Variants in MAP3K15 observed in about 807,000 individuals in gnomAD.
MAP3K15 encodes the protein MAPK/ERK kinase kinase 15.
MAP3K15 carries 124 observed loss-of-function variants against 99.5 expected under a neutral mutation model. That is an observed-to-expected ratio of 1.25 (90% CI 1.08 to 1.45). The LOEUF (loss-of-function observed/expected upper bound fraction) is 1.45, where lower values mean the gene tolerates loss of function less well. Ranked by LOEUF, MAP3K15 falls within the 40% of genes most tolerant of loss-of-function variation. The probability of loss-of-function intolerance (pLI) is 0.00; values close to 1 mark genes in which losing one functional copy is unlikely to be tolerated. For missense variants in MAP3K15, 1,242 were observed against 1,079.7 expected, an observed-to-expected ratio of 1.15 and a Z score of -2.11; for synonymous variants, 494 against 439.6, an observed-to-expected ratio of 1.12 and a Z score of -1.55.
rs887371071 is a variant in MAP3K15 at position 19,395,206 on chromosome X, T to A, written c.2069A>T (p.Tyr690Phe). The A allele has an allele frequency of 1.1e-5, 13 of 1,205,382 alleles. No individual in the cohort carries two copies. The highest frequency in any genetic ancestry group is 1.3e-5 in the Non-Finnish European group (12 of 891,599). Residue 690 changes from tyrosine (Y) to phenylalanine (F), a missense_variant and splice_region_variant, in exon 16 of 29, where the codon TAT (tyrosine) becomes TTT (phenylalanine). Physicochemically the swap from Tyr to Phe is conservative, Grantham distance 22. Transcript: ENST00000338883. ...TATCTCCTCGTGCAGAGGCTGAGAA[T>A]ACCTATTGGGAAAAACAGAGCCAGG... is the stretch of plus-strand genomic sequence containing the variant. The part of the protein sequence containing the change: ...IKEIPERDSR[Y>F]SQPLHEEIAL...
chrX:19,484,234 G>C lies in MAP3K15; in HGVS notation c.525+2248C>G, dbSNP rs1017458398. 4.5e-5 allele frequency among the ~76,000 whole-genome samples: 5 copies of C among 111,490 alleles called. No individual in the cohort carries two copies. The South Asian group carries it at 1.9e-3, about 42-fold the overall frequency. ...ATTGTCTGAACTCCACCTCCTGTCA[G>C]ATCATTGGTGACATTAGATTCTTAC... On this transcript the variant is annotated intron_variant, in intron 3 of 28. Transcript: ENST00000338883.
intron 1 of MAP3K15, among the ~76,000 whole-genome samples, chrX:19,489,479 A>G (rs769067563): frequency 1.2e-3 from 133 of 110,730 alleles, no homozygotes; most frequent in African/African-American, 4.3e-3. Context: ...GTGTCCCCTC[A>G]AGGTTCATGT....
chrX:19,387,584 A>G, intron 18 of MAP3K15, among the ~76,000 whole-genome samples: 1 of 109,383 alleles, frequency 9.1e-6, no homozygotes, highest in Non-Finnish European at 1.9e-5. Flanking sequence ...ACGGGGCCTC[A>G]CTATGTTGGC....
intron 1 of MAP3K15, among the ~76,000 whole-genome samples, chrX:19,493,319 A>T (rs1293614046): frequency 6.7e-5 from 7 of 104,588 alleles, no homozygotes; most frequent in African/African-American, 2.5e-4. Context: ...ACTGTCAATG[A>T]AAACAGGACA....
chrX:19,437,052 A>G (rs185126818), intron 6 of MAP3K15, among the ~76,000 whole-genome samples: 80 of 111,691 alleles, frequency 7.2e-4, no homozygotes, highest in African/African-American at 2.5e-3. Context: ...TGGCCAATCC[A>G]TTCTTCCTCT....
At chrX:19,361,653 C>A in intron 26 of MAP3K15, 60 bp from the exon 27 acceptor site, 1 of 793,519 alleles carries the variant, frequency 1.3e-6, no homozygotes, top group South Asian at 2.3e-5. Flanking sequence ...CAAAAGTAAC[C>A]AGTTGGATTA....
chrX:19,392,315 A>C, intron 17 of MAP3K15, 28 bp downstream of exon 17: 5 of 1,196,921 alleles, frequency 4.2e-6, no homozygotes, highest in Non-Finnish European at 5.6e-6. Context: ...GAGCAAAGGC[A>C]ACCTCGTCAG....
rs1409921296 is a variant in MAP3K15, at chrX:19,486,359, AAC to A, written c.525+121_525+122del. The A allele has an allele frequency of 2.1e-5, 6 of 288,051 alleles. No individual in the cohort carries two copies. The East Asian group carries it at 3.4e-4, about 16-fold the overall frequency. The allele number at this position is 288,051 out of a possible 1,213,427, so 23.7% of individuals were successfully genotyped here. A position where few individuals can be genotyped will look rare whatever the true frequency, so the allele number is the denominator to read the frequency against. On this transcript the variant is annotated intron_variant, in intron 3 of 28. Coordinates refer to ENST00000338883, the MANE Select transcript of MAP3K15 (RefSeq NM_001001671.4). Reference sequence around the variant, plus strand: ...GAGATTTCTAGCTGTCCTCCTTAGAAACACAACCCACAGGCGTGATTAGAAGT... The same window carrying A: ...GAGATTTCTAGCTGTCCTCCTTAGAAACAACCCACAGGCGTGATTAGAAGT...
intron 1 of MAP3K15, among the ~76,000 whole-genome samples, chrX:19,508,410 G>A (rs1460209923): frequency 8.9e-6 from 1 of 112,126 alleles, no homozygotes; most frequent in Non-Finnish European, 1.9e-5. Flanking sequence ...GAGCTCAGGT[G>A]ATCCACCTAC....
rs1296246558 is a variant in MAP3K15 at position 19,479,979 on chromosome X, T to TG, written c.525+6502dup. Among the ~76,000 whole-genome samples, 165 of 112,414 alleles carry TG rather than the reference T, an allele frequency of 1.5e-3. 1 individual carries two copies. Among genetic ancestry groups the TG allele is most frequent in the African/African-American group, 5.2e-3 (162 of 30,991 alleles). On this transcript the variant is annotated intron_variant, in intron 3 of 28. Transcript: ENST00000338883. ...TAGTGTTGAAGATTTTTGTGACAGG[T>TG]GTTTTTTTAAAGTCAACCTTGAAAA...
chrX:19,391,969 T>C (rs2063531107), intron 18 of MAP3K15, 33 bp downstream of exon 18: 5 of 1,059,282 alleles, frequency 4.7e-6, no homozygotes, highest in Non-Finnish European at 6.6e-6. Flanking sequence ...AACTCTGGGA[T>C]GGGCACCCTG....
chrX:19,414,670 G>A (rs184213854), intron 10 of MAP3K15, among the ~76,000 whole-genome samples: 166 of 112,466 alleles, frequency 1.5e-3, no homozygotes, highest in African/African-American at 4.9e-3. Flanking sequence ...GTTTCCACTC[G>A]TGGTGCTACA....
chrX:19,482,634 C>T (rs972419318), intron 3 of MAP3K15, among the ~76,000 whole-genome samples: 1 of 111,684 alleles, frequency 9.0e-6, no homozygotes, highest in Non-Finnish European at 1.9e-5. Flanking sequence ...ATTTTGGGGT[C>T]AGGGAAATGC....
chrX:19,403,190 T>C (rs1356761286), intron 13 of MAP3K15, among the ~76,000 whole-genome samples: 1 of 111,009 alleles, frequency 9.0e-6, no homozygotes, highest in Non-Finnish European at 1.9e-5. Flanking sequence ...TTTATCAAGC[T>C]GTACACTTAA....
intron 4 of MAP3K15, among the ~76,000 whole-genome samples, chrX:19,463,790 G>A: frequency 9.0e-6 from 1 of 111,226 alleles, no homozygotes; most frequent in Non-Finnish European, 1.9e-5. Context: ...GAGAGCGTAA[G>A]GTCAGAATGA....
At chrX:19,465,472 G>A (rs920635434) in intron 3 of MAP3K15, among the ~76,000 whole-genome samples, 4 of 109,829 alleles carry the variant, frequency 3.6e-5, no homozygotes, top group African/African-American at 1.3e-4. Flanking sequence ...CTGGCCAGGC[G>A]CGGTGGCTCA....
chrX:19,456,780 C>T (rs2064096273), intron 6 of MAP3K15, 133 bp downstream of exon 6: 1 of 448,920 alleles, frequency 2.2e-6, no homozygotes, highest in Admixed American at 3.1e-5. Context: ...AGGACAAAGA[C>T]TGGACCTTGT....
chrX:19,400,582 G>A lies in MAP3K15; in HGVS notation c.1926C>T (p.Thr642=), dbSNP rs56177884. The A allele has an allele frequency of 2.6e-3, 3,143 of 1,193,405 alleles. 5 individuals carry two copies. Among genetic ancestry groups the A allele is most frequent in the Non-Finnish European group, 3.1e-3 (2,751 of 881,693 alleles). Residue 642 remains threonine (T), a synonymous_variant, in exon 14 of 29, where the codon ACC becomes ACT. Coordinates refer to ENST00000338883, the MANE Select transcript of MAP3K15 (RefSeq NM_001001671.4). ...TAGATCGTCCATGACTCACCTCCAA[G>A]GTGTCTCCATCGGTCTCTCCCTCCA... ...VELEGETDGD[T]LEYEYDHDAN... is the part of the protein sequence containing the mutation.
At chrX:19,423,795 C>T (rs938074409) in intron 9 of MAP3K15, among the ~76,000 whole-genome samples, 3 of 111,643 alleles carry the variant, frequency 2.7e-5, no homozygotes, top group African/African-American at 6.5e-5. Context: ...TCTATGCTAA[C>T]GATATGATTC....
Sources: gnomAD v4.1 joint callset for allele counts (sites outside exome capture counted in the v4.1 genomes callset) on GRCh38, gnomAD v4.1.1 for gene constraint, MANE v1.5 for transcripts, NCBI Gene and HGNC (gene_info 2026-07-23, HGNC 2026-07-21) for gene names.